Variants in PLD5 observed in about 807,000 individuals in gnomAD.
PLD5 encodes phospholipase D family member 5.
Under a neutral mutation model 61.1 loss-of-function variants are expected in PLD5, and 36 were observed. The observed-to-expected ratio is 0.59, with a 90% CI of 0.45 to 0.78. The LOEUF (loss-of-function observed/expected upper bound fraction) is 0.78, where lower values mean the gene tolerates loss of function less well. Ranked by LOEUF, PLD5 falls within the 30% of genes least tolerant of loss-of-function variation. PLD5 has a pLI of 0.00. For missense variants in PLD5, 515 were observed against 644.4 expected (o/e 0.80, Z 2.17); for synonymous variants, 243 against 242.8 (o/e 1.00, Z -0.01).
At chr1:242,511,448 A>G (rs763813552) in intron 1 of PLD5, among the ~76,000 whole-genome samples, 1 of 152,216 alleles carries the variant, frequency 6.6e-6, no homozygotes, top group African/African-American at 2.4e-5. Context: ...CACGGCGAAC[A>G]CTACTTTCAC....
intron 4 of PLD5, among the ~76,000 whole-genome samples, chr1:242,237,150 C>T (rs1024622877): frequency 4.6e-5 from 7 of 151,676 alleles, no homozygotes; most frequent in Admixed American, 1.3e-4. Context: ...CTTTAAAAAT[C>T]ACCAAAGGAA....
At chr1:242,496,187 C>T (rs937044738) in intron 1 of PLD5, among the ~76,000 whole-genome samples, 9 of 151,416 alleles carry the variant, frequency 5.9e-5, no homozygotes, top group African/African-American at 1.9e-4. Flanking sequence ...GGAAAAAAAT[C>T]AGAGAACTAA....
chr1:242,496,197 A>C (rs1168086361), intron 1 of PLD5, among the ~76,000 whole-genome samples: 1 of 152,204 alleles, frequency 6.6e-6, no homozygotes. Flanking sequence ...CAGAGAACTA[A>C]AATAAGCTTA....
At chr1:242,170,194 A>G (rs987157458) in intron 5 of PLD5, among the ~76,000 whole-genome samples, 5 of 152,204 alleles carry the variant, frequency 3.3e-5, no homozygotes, top group African/African-American at 1.2e-4. Context: ...TCCAACTGGC[A>G]TCTGGCATGT....
chr1:242,092,340 C>T (rs1219627219), intron 9 of PLD5, among the ~76,000 whole-genome samples: 1 of 151,972 alleles, frequency 6.6e-6, no homozygotes, highest in Non-Finnish European at 1.5e-5. Flanking sequence ...GGACTTACTT[C>T]CACTTTACAG....
chr1:242,163,217 C>T (rs1269889483), intron 5 of PLD5, among the ~76,000 whole-genome samples: 1 of 150,606 alleles, frequency 6.6e-6, no homozygotes, highest in African/African-American at 2.5e-5. Flanking sequence ...GATCTCGGCT[C>T]ACTGCAAGCT....
At chr1:242,369,882 G>A (rs1661537700) in intron 1 of PLD5, among the ~76,000 whole-genome samples, 1 of 152,178 alleles carries the variant, frequency 6.6e-6, no homozygotes, top group South Asian at 2.1e-4. Flanking sequence ...ACTAAGCAGA[G>A]GTAGATACTA....
At chr1:242,349,164 CA>C (rs201703082) in intron 1 of PLD5, among the ~76,000 whole-genome samples, 8,564 of 152,188 alleles carry the variant, frequency 0.056, 318 homozygotes, top group Middle Eastern at 0.092. Context: ...TAGGTGGAGT[CA>C]AAGATTTTCT....
chr1:242,132,212 AT>A (rs1663349501), intron 5 of PLD5, among the ~76,000 whole-genome samples: 1 of 42,744 alleles, frequency 2.3e-5, no homozygotes, highest in Non-Finnish European at 5.5e-5. Flanking sequence ...GGGGGGCGGA[AT>A]CATTTTTAGC....
In PLD5 at chr1:242,399,907, G is replaced by A. The variant is rs1023967595; in HGVS notation, c.190-51665C>T. 4.6e-5 allele frequency among the ~76,000 whole-genome samples: 7 copies of A among 152,160 alleles called. No individual in the cohort carries two copies. The South Asian group carries it at 6.2e-4, about 14-fold the overall frequency. ...TTCTAGGCCTGGCGTGGTGGCTCACGCCTGTAATCCCAGCACTTTGGGAGG... is the reference window on the plus strand; with the variant it reads ...TTCTAGGCCTGGCGTGGTGGCTCACACCTGTAATCCCAGCACTTTGGGAGG... On this transcript the variant is annotated intron_variant, in intron 1 of 9. Transcript: ENST00000536534.
At chr1:242,230,962 C>T (rs939706978) in intron 4 of PLD5, among the ~76,000 whole-genome samples, 3 of 152,138 alleles carry the variant, frequency 2.0e-5, no homozygotes, top group Non-Finnish European at 4.4e-5. Flanking sequence ...TCTAGTCCAA[C>T]AGTTAAGCTA....
At chr1:242,222,845 C>T (rs191483513) in intron 4 of PLD5, among the ~76,000 whole-genome samples, 10 of 152,286 alleles carry the variant, frequency 6.6e-5, no homozygotes, top group African/African-American at 2.4e-4. Flanking sequence ...CTTAATGATG[C>T]CTAAAATTAT....
rs181465405 is a variant in PLD5, at chr1:242,477,016, G to T, written c.189+47072C>A. Among the ~76,000 whole-genome samples the T allele has an allele frequency of 1.7e-4, 26 of 152,310 alleles. No homozygotes were observed. In the East Asian group the frequency reaches 4.6e-3, roughly 27 times the overall value. ...TATAATCCCAATACTTTGGGAGGCC[G>T]AGGTGGGTGGATCACTTGAGGTCAG... On this transcript the variant is annotated intron_variant, in intron 1 of 9. Transcript: ENST00000536534.
At chr1:242,166,990 T>C (rs1444874469) in intron 5 of PLD5, among the ~76,000 whole-genome samples, 1 of 151,776 alleles carries the variant, frequency 6.6e-6, no homozygotes, top group Non-Finnish European at 1.5e-5. Context: ...AATTTGCCTT[T>C]ATAAATTAGA....
intron 5 of PLD5, among the ~76,000 whole-genome samples, chr1:242,179,923 TGTG>T (rs1667412035): frequency 1.7e-4 from 1 of 5,752 alleles, no homozygotes; most frequent in Non-Finnish European, 2.9e-4. Flanking sequence ...CAAAATTGAG[TGTG>T]TGTGTGTGTG....
chr1:242,183,638 G>A (rs1667662775), intron 5 of PLD5, among the ~76,000 whole-genome samples: 1 of 152,186 alleles, frequency 6.6e-6, no homozygotes, highest in Admixed American at 6.5e-5. Flanking sequence ...GCTCACGCCT[G>A]TAATCCCAGC....
chr1:242,459,892 G>A (rs992508909), intron 1 of PLD5, among the ~76,000 whole-genome samples: 14 of 152,086 alleles, frequency 9.2e-5, no homozygotes, highest in Non-Finnish European at 1.8e-4. Context: ...GGCTATAAAC[G>A]CCCTCATCTT....
chr1:242,524,044 C>A lies in PLD5; in HGVS notation c.189+44G>T, dbSNP rs1043462430. 1.1e-5 allele frequency: 16 copies of A among 1,512,310 alleles called. No individual in the cohort carries two copies. In the African/African-American group the frequency reaches 2.2e-4, roughly 21 times the overall value. The allele number at this position is 1,512,310 out of a possible 1,614,324, so 93.7% of individuals were successfully genotyped here. ...GCCACCACCACGGGGAGGGTGCATGCGGCAGGTGCCTGGCCGAGGCCCCCG... is the reference window on the plus strand; with the variant it reads ...GCCACCACCACGGGGAGGGTGCATGAGGCAGGTGCCTGGCCGAGGCCCCCG... On this transcript the variant is annotated intron_variant, in intron 1 of 9. Coordinates refer to ENST00000536534, the MANE Select transcript of PLD5 (RefSeq NM_001372062.1).
At chr1:242,382,128 C>CAAAAAAAAAAAAAAAAAAAAA (rs34582650) in intron 1 of PLD5, among the ~76,000 whole-genome samples, 26 of 125,566 alleles carry the variant, frequency 2.1e-4, no homozygotes, top group African/African-American at 3.0e-4. Flanking sequence ...ACTTTGACAG[C>CAAAAAAAAAAAAAAAAAAAAA]AAAAAAAAAA....
Sources: allele counts gnomAD v4.1 joint callset (sites outside exome capture counted in the v4.1 genomes callset), GRCh38; gene constraint gnomAD v4.1.1; transcripts MANE v1.5; gene names NCBI Gene and HGNC (gene_info 2026-07-23, HGNC 2026-07-21).